MTSS2: variants seen among roughly 807,000 people sequenced by gnomAD.
The protein encoded by MTSS2 is MTSS I-BAR domain containing 2.
In MTSS2, 27 loss-of-function variants were observed where a neutral mutation model predicts 67.1. The observed-to-expected ratio is 0.40, with a 90% CI of 0.30 to 0.55. MTSS2 has a LOEUF of 0.55. Among genes scored for constraint, MTSS2 ranks in the 20% least tolerant of loss-of-function variants. MTSS2 has a pLI of 0.43. For synonymous variants in MTSS2, 624 were observed against 468.6 expected (o/e 1.33, Z -4.28); for missense variants, 1,171 against 1,067.8 (o/e 1.10, Z -1.35).
At chr16:70,683,213 TG>T (rs2053354186) in intron 1 of MTSS2, among the ~76,000 whole-genome samples, 1 of 151,968 alleles carries the variant, frequency 6.6e-6, no homozygotes, top group Non-Finnish European at 1.5e-5. Flanking sequence ...TCCCAGGGAG[TG>T]GGCTTTCCAG....
chr16:70,670,040 G>A (rs569013251), intron 11 of MTSS2, among the ~76,000 whole-genome samples: 1 of 152,248 alleles, frequency 6.6e-6, no homozygotes, highest in East Asian at 1.9e-4. Flanking sequence ...GGAGGCTGAG[G>A]GGGGTGGACT....
chr16:70,664,778 G>C lies in MTSS2; in HGVS notation c.1306-15C>G. On this transcript the variant is annotated splice_polypyrimidine_tract_variant and intron_variant, in intron 13 of 14. Coordinates refer to ENST00000338779, the MANE Select transcript of MTSS2 (RefSeq NM_138383.3). ...TCCTCACCGTGCTGAGGGTGGGAAA[G>C]TGCAGGCTGAAGCCTTGCGCCCCCA... 6.2e-7 allele frequency: 1 copy of C among 1,601,918 alleles called. No individual in the cohort carries two copies. The highest frequency in any genetic ancestry group is 1.1e-5 in the South Asian group (1 of 89,558).
chr16:70,675,807 G>A (rs577303453), intron 10 of MTSS2, among the ~76,000 whole-genome samples: 7 of 152,210 alleles, frequency 4.6e-5, no homozygotes, highest in African/African-American at 7.2e-5. Flanking sequence ...GTGTGTGTGC[G>A]TACAGAGGTC....
Position 70,678,219 on chromosome 16 carries a change from C to A in MTSS2, c.624+33G>T, listed in dbSNP as rs374679517. The A allele has an allele frequency of 4.6e-5, 72 of 1,576,822 alleles. No homozygotes were observed. The African/African-American group carries it at 9.1e-4, about 20-fold the overall frequency. ...GAAGGTCAACCCTGGGCCCAGCCCA[C>A]CCCTCTGGGGTCTGAGTCCCCAGGA... On this transcript the variant is annotated intron_variant, in intron 8 of 14. Transcript: ENST00000338779.
chr16:70,665,296 G>A, intron 12 of MTSS2, 170 bp downstream of exon 12: 1 of 913,844 alleles, frequency 1.1e-6, no homozygotes, highest in South Asian at 1.7e-5. Context: ...TGGCTGTGTG[G>A]GCAGTGACTG....
chr16:70,670,278 A>G (rs1340045014), intron 11 of MTSS2, among the ~76,000 whole-genome samples: 2 of 152,220 alleles, frequency 1.3e-5, no homozygotes, highest in Non-Finnish European at 2.9e-5. Flanking sequence ...CTCAAAAACA[A>G]AACAAAACGA....
At chr16:70,665,157 C>G in intron 12 of MTSS2, 61 bp from the exon 13 acceptor site, 1 of 1,519,494 alleles carries the variant, frequency 6.6e-7, no homozygotes, top group Non-Finnish European at 8.8e-7. Flanking sequence ...GGCCCGGGGG[C>G]CCGTCACTGT....
chr16:70,679,039 G>GGGGGC (rs1305092521), intron 7 of MTSS2, among the ~76,000 whole-genome samples: 5 of 152,208 alleles, frequency 3.3e-5, no homozygotes, highest in African/African-American at 9.6e-5. Flanking sequence ...CCAGCCTGGT[G>GGGGGC]GGGGCGGGGC....
intron 3 of MTSS2, among the ~76,000 whole-genome samples, chr16:70,680,493 C>T (rs565779226): frequency 2.0e-5 from 3 of 152,286 alleles, no homozygotes; most frequent in East Asian, 1.9e-4. Context: ...TAGAAGGACA[C>T]GAGGGCATGA....
In MTSS2 at chr16:70,685,847, C is replaced by G. The variant is rs963682867; in HGVS notation, c.-56G>C. The G allele has an allele frequency of 1.8e-6, 2 of 1,090,040 alleles. No individual in the cohort carries two copies. The highest frequency in any genetic ancestry group is 1.1e-6 in the Non-Finnish European group (1 of 882,194). 67.5% of individuals were successfully genotyped at this position (1,090,040 alleles called of 1,614,324 possible). Reference sequence around the variant, plus strand: ...TAGGCGCACGGAGCGCGGGGAGCAGCGCAAGGGAGGGGGCCAGGCCGCGCG... The same window carrying G: ...TAGGCGCACGGAGCGCGGGGAGCAGGGCAAGGGAGGGGGCCAGGCCGCGCG... On this transcript the variant is annotated 5_prime_UTR_variant, in exon 1 of 15. Coordinates refer to ENST00000338779, the MANE Select transcript of MTSS2 (RefSeq NM_138383.3).
intron 12 of MTSS2, 25 bp downstream of exon 12, chr16:70,665,441 C>A: frequency 6.5e-7 from 1 of 1,546,044 alleles, no homozygotes; most frequent in Non-Finnish European, 8.7e-7. Flanking sequence ...GGTGACTGTC[C>A]TGGGGCCGGG....
chr16:70,663,812 G>C lies in MTSS2; in HGVS notation c.2109C>G (p.Pro703=), dbSNP rs2052583783. 6 of 1,531,148 alleles carry C rather than the reference G, an allele frequency of 3.9e-6. No individual in the cohort carries two copies. Among genetic ancestry groups the C allele is most frequent in the African/African-American group, 1.4e-5 (1 of 72,808 alleles). The allele number at this position is 1,531,148 out of a possible 1,614,324, so 94.8% of individuals were successfully genotyped here. A position where few individuals can be genotyped will look rare whatever the true frequency, so the allele number is the denominator to read the frequency against. The change falls in exon 15 of 15, where the codon CCC becomes CCG. Residue 703 remains proline (P), a synonymous_variant. Coordinates refer to ENST00000338779, the MANE Select transcript of MTSS2 (RefSeq NM_138383.3). ...FPFPTALSAT[P]TEETPTPPPA... Reference sequence around the variant, plus strand: ...GGGGTGGGGTGGGCGTCTCCTCCGTGGGGGTGGCCGACAGAGCAGTGGGGA... The same window carrying C: ...GGGGTGGGGTGGGCGTCTCCTCCGTCGGGGTGGCCGACAGAGCAGTGGGGA...
chr16:70,676,737 C>T (rs781575947), intron 10 of MTSS2, 144 bp downstream of exon 10: 11 of 683,658 alleles, frequency 1.6e-5, no homozygotes, highest in Non-Finnish European at 2.3e-5. Flanking sequence ...CATTTTCCCT[C>T]TACATATGCA....
In MTSS2 at chr16:70,664,301, A is replaced by C. The variant is rs1246970858; in HGVS notation, c.1620T>G (p.Ala540=). 1 of 1,580,572 alleles carries C rather than the reference A, an allele frequency of 6.3e-7. No homozygotes were observed. Among genetic ancestry groups the C allele is most frequent in the Non-Finnish European group, 8.6e-7 (1 of 1,167,928 alleles). The stretch of plus-strand genomic sequence containing the variant: ...TGGGCAGCCCCGCGGTGGGCAGCCC[A>C]GCAGTGGAGGCTGGGCGCTTGGTCT... ...LIQTKRPAST[A]GLPTAGLPTA... The change falls in exon 15 of 15, where the codon GCT becomes GCG. Residue 540 remains alanine, a synonymous_variant. Transcript: ENST00000338779.
At chr16:70,672,341 CAAAA>C (rs11297993) in intron 11 of MTSS2, among the ~76,000 whole-genome samples, 7 of 80,908 alleles carry the variant, frequency 8.7e-5, no homozygotes, top group Non-Finnish European at 9.2e-5. Context: ...GAGCAAAATT[CAAAA>C]AAAAAAAAAA....
intron 1 of MTSS2, among the ~76,000 whole-genome samples, chr16:70,685,518 G>T (rs1174956774): frequency 6.6e-6 from 1 of 151,898 alleles, no homozygotes; most frequent in East Asian, 2.0e-4. Context: ...GGCACCGCAC[G>T]GACACCCCGA....
In MTSS2 at chr16:70,664,454, G is replaced by C. The variant is rs759119340; in HGVS notation, c.1472-5C>G. 8.5e-6 allele frequency: 13 copies of C among 1,536,370 alleles called. No individual in the cohort carries two copies. The highest frequency in any genetic ancestry group is 1.1e-5 in the Non-Finnish European group (13 of 1,142,332). On this transcript the variant is annotated splice_region_variant and splice_polypyrimidine_tract_variant and intron_variant, in intron 14 of 14. Transcript: ENST00000338779. ...AGTAGCAGTCGTAGTCGGAGCCTGG[G>C]GGCACGGGACACAGTGAGGCCCAGG...
In MTSS2 at chr16:70,665,032, C is replaced by A. The variant is rs992699706; in HGVS notation, c.1193G>T (p.Arg398Leu). Residue 398 changes from arginine (R) to leucine (L), a missense_variant, in exon 13 of 15, where the codon CGA becomes CTA. Coordinates refer to ENST00000338779, the MANE Select transcript of MTSS2 (RefSeq NM_138383.3). ...CTCTGTGTCTCGCAGGAGCTCCACT[C>A]GGTCCTTCCTCCGCTGCAGAGTGGC... ...SGATLQRRKD[R>L]VELLRDTEPG... is the part of the protein sequence containing the mutation. 3.8e-6 allele frequency: 6 copies of A among 1,596,970 alleles called. No individual in the cohort carries two copies. Among genetic ancestry groups the A allele is most frequent in the African/African-American group, 2.7e-5 (2 of 74,926 alleles).
rs111728238 is a variant in MTSS2 at position 70,679,677 on chromosome 16, T to C, written c.410A>G (p.Lys137Arg). The change falls in exon 6 of 15, where the codon AAA (lysine) becomes AGA (arginine). Residue 137 changes from lysine to arginine, a missense_variant. Around this residue, in one of 2 missense-constraint regions of MTSS2, gnomAD observed 247 missense variants for 311.8 expected, o/e 0.79. Transcript: ENST00000338779. Reference protein sequence around the residue: ...KEYKRARHEIKKKSSDTLKLQ... With the variant: ...KEYKRARHEIRKKSSDTLKLQ... ...CTTCAGCGTGTCCGACGACTTCTTT[T>C]TGATCTCATGCCGGGCTCGTTTGTA... The C allele has an allele frequency of 2.5e-6, 4 of 1,611,362 alleles. No individual in the cohort carries two copies. Among genetic ancestry groups the C allele is most frequent in the Non-Finnish European group, 3.4e-6 (4 of 1,179,024 alleles).
Sources: allele counts gnomAD v4.1 joint callset (sites outside exome capture counted in the v4.1 genomes callset), GRCh38; gene constraint gnomAD v4.1.1; regional missense constraint gnomAD v4.1.1; transcripts MANE v1.5; gene names NCBI Gene and HGNC (gene_info 2026-07-23, HGNC 2026-07-21).